Variants in GLIS3 observed in about 807,000 individuals in gnomAD.
The protein encoded by GLIS3 is zinc finger protein GLIS3.
In GLIS3, 53 loss-of-function variants were observed where a neutral mutation model predicts 78.6. That is an observed-to-expected ratio of 0.67 (90% CI 0.54 to 0.85). The LOEUF is 0.85. GLIS3 is among the 40% of genes least tolerant of loss of function. The probability of loss-of-function intolerance (pLI) is 0.00; values close to 1 mark genes in which losing one functional copy is unlikely to be tolerated. For missense variants in GLIS3, 1,703 were observed against 1,231.1 expected, an observed-to-expected ratio of 1.38 and a Z score of -5.74; for synonymous variants, 684 against 509.9, an observed-to-expected ratio of 1.34 and a Z score of -4.60.
At chr9:4,037,271 G>C (rs991464654) in intron 4 of GLIS3, among the ~76,000 whole-genome samples, 2 of 152,116 alleles carry the variant, frequency 1.3e-5, no homozygotes, top group African/African-American at 4.8e-5. Flanking sequence ...CTAAACTAAA[G>C]CTTAGGACTT....
chr9:4,193,293 T>C (rs1818499061), intron 2 of GLIS3, among the ~76,000 whole-genome samples: 1 of 152,224 alleles, frequency 6.6e-6, no homozygotes, highest in African/African-American at 2.4e-5. Flanking sequence ...ATTCAAATCT[T>C]GGTGCCAATA....
intron 2 of GLIS3, among the ~76,000 whole-genome samples, chr9:4,341,608 C>T (rs138098903): frequency 7.0e-4 from 107 of 152,270 alleles, no homozygotes; most frequent in African/African-American, 2.4e-3. Flanking sequence ...CCAATGCATC[C>T]AATCCAAGCT....
chr9:4,431,065 A>C, the GLIS3 span, among the ~76,000 whole-genome samples: 1 of 152,222 alleles, frequency 6.6e-6, no homozygotes, highest in Non-Finnish European at 1.5e-5. Context: ...TATATGGATC[A>C]GAAATTGTTG....
At chr9:4,027,105 C>A (rs1026845944) in intron 4 of GLIS3, among the ~76,000 whole-genome samples, 12 of 152,202 alleles carry the variant, frequency 7.9e-5, no homozygotes, top group Non-Finnish European at 1.5e-5. Flanking sequence ...CCTTTGGACA[C>A]AAACACAACC....
the GLIS3 span, among the ~76,000 whole-genome samples, chr9:4,410,071 A>G: frequency 6.6e-6 from 1 of 151,860 alleles, no homozygotes; most frequent in East Asian, 1.9e-4. Flanking sequence ...CCCAGATTCA[A>G]GTGATCCTAG....
the GLIS3 span, among the ~76,000 whole-genome samples, chr9:4,407,150 G>C: frequency 1.3e-5 from 2 of 152,120 alleles, no homozygotes; most frequent in Non-Finnish European, 2.9e-5. Context: ...CCCATCTACA[G>C]TAAACTCATT....
intron 2 of GLIS3, among the ~76,000 whole-genome samples, chr9:4,241,900 TCTCAAGCTCCTGGC>T (rs1823355934): frequency 1.3e-5 from 2 of 152,290 alleles, no homozygotes; most frequent in South Asian, 4.1e-4. Context: ...GCCAGGCTGT[TCTCAAGCTCCTGGC>T]CTCAAATGAT....
chr9:4,002,444 G>C (rs1216640378), intron 4 of GLIS3, among the ~76,000 whole-genome samples: 1 of 152,170 alleles, frequency 6.6e-6, no homozygotes, highest in Non-Finnish European at 1.5e-5. Context: ...CACCTACTGA[G>C]TAGGCTTTAC....
the GLIS3 span, among the ~76,000 whole-genome samples, chr9:4,418,713 A>G: frequency 6.6e-6 from 1 of 152,208 alleles, no homozygotes; most frequent in Admixed American, 6.5e-5. Flanking sequence ...AACAAACAAA[A>G]AAAAACATAT....
intron 2 of GLIS3, among the ~76,000 whole-genome samples, chr9:4,340,292 A>AG (rs1817815858): frequency 1.6e-5 from 1 of 62,390 alleles, no homozygotes; most frequent in South Asian, 7.6e-4. Flanking sequence ...AAATCAAATG[A>AG]GAAAAAAAAA....
At chr9:4,345,620 C>A (rs1402777920) in intron 2 of GLIS3, among the ~76,000 whole-genome samples, 4 of 152,192 alleles carry the variant, frequency 2.6e-5, no homozygotes, top group Admixed American at 6.5e-5. Context: ...TTTCCCCCAT[C>A]CTTAAAAACT....
At chr9:3,950,648 T>A (rs2130841571) in intron 4 of GLIS3, among the ~76,000 whole-genome samples, 1 of 152,356 alleles carries the variant, frequency 6.6e-6, no homozygotes, top group East Asian at 1.9e-4. Context: ...GCATTCTCTG[T>A]CCCAGTGGTT....
Position 3,882,553 on chromosome 9 carries a change from T to C in GLIS3, c.2129-2958A>G, listed in dbSNP as rs565701716. Reference sequence around the variant, plus strand: ...GATGCTAGGTGGGGCACACGAGGTGTCAGGTATAGGGCTGAGGGCTCCAGA... The same window carrying C: ...GATGCTAGGTGGGGCACACGAGGTGCCAGGTATAGGGCTGAGGGCTCCAGA... On this transcript the variant is annotated intron_variant, in intron 7 of 10. Transcript: ENST00000381971. Among the ~76,000 whole-genome samples the C allele has an allele frequency of 4.6e-5, 7 of 152,030 alleles. 1 individual carries two copies. Among genetic ancestry groups the C allele is most frequent in the Non-Finnish European group, 7.4e-5 (5 of 68,010 alleles).
chr9:3,965,067 C>T (rs564782720), intron 4 of GLIS3, among the ~76,000 whole-genome samples: 3 of 152,078 alleles, frequency 2.0e-5, no homozygotes, highest in African/African-American at 7.2e-5. Context: ...TCACAACTGT[C>T]ATGCTTGAAA....
At chr9:4,137,483 C>T (rs1395875876) in intron 2 of GLIS3, among the ~76,000 whole-genome samples, 1 of 152,114 alleles carries the variant, frequency 6.6e-6, no homozygotes, top group East Asian at 1.9e-4. Flanking sequence ...CATTTATACC[C>T]AAGAGATTAA....
the GLIS3 span, among the ~76,000 whole-genome samples, chr9:4,457,668 A>C: frequency 1.3e-5 from 2 of 151,878 alleles, no homozygotes; most frequent in Non-Finnish European, 1.5e-5. Context: ...CAACATGGTG[A>C]AACCCCATCT....
intron 7 of GLIS3, among the ~76,000 whole-genome samples, chr9:3,884,905 T>C (rs187609308): frequency 1.3e-5 from 2 of 152,278 alleles, no homozygotes; most frequent in Admixed American, 1.3e-4. Context: ...TCAGGGCCCC[T>C]GAACACTCTG....
intron 1 of GLIS3, among the ~76,000 whole-genome samples, chr9:4,298,721 T>G (rs1051781716): frequency 6.6e-6 from 1 of 151,420 alleles, no homozygotes; most frequent in African/African-American, 2.4e-5. Context: ...GCGGGGAGGG[T>G]TCGTGTCTGG....
At chr9:4,037,772 T>C (rs1824459114) in intron 4 of GLIS3, among the ~76,000 whole-genome samples, 1 of 152,210 alleles carries the variant, frequency 6.6e-6, no homozygotes. Flanking sequence ...ACTTAATTAA[T>C]TTGCAGTATC....
Sources: allele counts gnomAD v4.1 joint callset (sites outside exome capture counted in the v4.1 genomes callset), GRCh38; gene constraint gnomAD v4.1.1; transcripts MANE v1.5; gene names NCBI Gene and HGNC (gene_info 2026-07-23, HGNC 2026-07-21).